The following RAD51B variants were observed in gnomAD, a reference collection of about 807,000 sequenced individuals.
RAD51B encodes RAD51 paralog B, also known as DNA repair protein RAD51 homolog 2.
A neutral mutation model predicts 42.2 loss-of-function variants in RAD51B; 38 were observed. The observed-to-expected ratio is 0.90, with a 90% CI of 0.70 to 1.18. The LOEUF is 1.18. Among genes scored for constraint, RAD51B ranks in the 50% most tolerant of loss-of-function variants. RAD51B has a pLI of 0.00. For synonymous variants in RAD51B, 154 were observed against 145.2 expected (o/e 1.06, Z -0.43); for missense variants, 373 against 400.7 (o/e 0.93, Z 0.59).
At chr14:68,534,724 C>T (rs1318535814) in intron 10 of RAD51B, among the ~76,000 whole-genome samples, 3 of 152,050 alleles carry the variant, frequency 2.0e-5, no homozygotes, top group South Asian at 2.1e-4. Context: ...ACCAACATAC[C>T]TTATCATCTG....
chr14:68,669,949 G>C (rs1893118681), intron 11 of RAD51B, among the ~76,000 whole-genome samples: 1 of 152,216 alleles, frequency 6.6e-6, no homozygotes, highest in South Asian at 2.1e-4. Flanking sequence ...TCTGCCTGCT[G>C]GTGGGACCAG....
At position 68,014,214 on chromosome 14, in the gene RAD51B, T is replaced by C. The variant is rs200574038; in HGVS notation, c.756+127010T>C. ...TCTTTTCTTTCTTTTTTTTTTTTTT[T>C]CCCATTAACAGTTGATGGAGGAAGG... is the stretch of plus-strand genomic sequence containing the variant. On this transcript the variant is annotated intron_variant, in intron 7 of 10. Transcript: ENST00000471583. Among the ~76,000 whole-genome samples the C allele has an allele frequency of 7.6e-3, 1,082 of 142,620 alleles. 11 individuals carry two copies. Among genetic ancestry groups the C allele is most frequent in the African/African-American group, 0.025 (917 of 36,838 alleles). The allele number at this position is 142,620 out of a possible 152,430, so 93.6% of individuals were successfully genotyped here.
chr14:68,395,935 C>T (rs972204999), intron 8 of RAD51B, among the ~76,000 whole-genome samples: 2 of 152,088 alleles, frequency 1.3e-5, no homozygotes, highest in Non-Finnish European at 2.9e-5. Context: ...AAGACGAGTC[C>T]GTGGTAATGT....
In RAD51B at chr14:67,835,191, A is replaced by G. The variant is rs891893046; in HGVS notation, c.310A>G (p.Thr104Ala). The change falls in exon 4 of 11, where the codon ACA (threonine) becomes GCA (alanine). Residue 104 changes from threonine (T) to alanine (A), a missense_variant. Transcript: ENST00000471583. Reference protein sequence around the residue: ...LHGGVACGSLTEITGPPGCGK... With the variant: ...LHGGVACGSLAEITGPPGCGK... Reference sequence around the variant, plus strand: ...TGGTGGTGTGGCTTGTGGATCCCTCACAGAGGTAAAGGAAAAATTTTTCGT... The same window carrying G: ...TGGTGGTGTGGCTTGTGGATCCCTCGCAGAGGTAAAGGAAAAATTTTTCGT... 2 of 1,611,794 alleles carry G rather than the reference A, an allele frequency of 1.2e-6. No individual in the cohort carries two copies. Among genetic ancestry groups the G allele is most frequent in the Non-Finnish European group, 1.7e-6 (2 of 1,178,140 alleles).
intron 9 of RAD51B, among the ~76,000 whole-genome samples, chr14:68,418,016 A>T (rs560379641): frequency 2.8e-4 from 42 of 152,252 alleles, no homozygotes; most frequent in African/African-American, 9.6e-4. Flanking sequence ...TTCCTAGGAG[A>T]TTTTGAGCCA....
intron 8 of RAD51B, among the ~76,000 whole-genome samples, chr14:68,312,754 T>A (rs1433880833): frequency 6.6e-6 from 1 of 152,234 alleles, no homozygotes; most frequent in Non-Finnish European, 1.5e-5. Flanking sequence ...GCCTTTCTAT[T>A]TGAGGAATTA....
downstream of RAD51B, among the ~76,000 whole-genome samples, chr14:68,597,512 G>A (rs1891051059): frequency 6.6e-6 from 1 of 152,188 alleles, no homozygotes; most frequent in Admixed American, 6.5e-5. Flanking sequence ...GGAGCTGGAG[G>A]CCATTATCCT....
At chr14:67,878,327 T>C (rs1420191349) in intron 5 of RAD51B, among the ~76,000 whole-genome samples, 1 of 152,218 alleles carries the variant, frequency 6.6e-6, no homozygotes, top group Non-Finnish European at 1.5e-5. Flanking sequence ...CATATATTCA[T>C]TGTCCATTTA....
intron 10 of RAD51B, chr14:68,563,871 C>G: frequency 1.0e-6 from 1 of 985,474 alleles, no homozygotes; most frequent in South Asian, 4.7e-5. Flanking sequence ...CCCTGGCAAG[C>G]CTGTGCTCTG....
intron 11 of RAD51B, among the ~76,000 whole-genome samples, chr14:68,661,277 G>A (rs1479166497): frequency 6.6e-6 from 1 of 152,228 alleles, no homozygotes; most frequent in Non-Finnish European, 1.5e-5. Flanking sequence ...TGCAGAACAG[G>A]AGAAATTATT....
intron 4 of RAD51B, among the ~76,000 whole-genome samples, chr14:67,846,701 C>A (rs2041627759): frequency 6.6e-6 from 1 of 152,160 alleles, no homozygotes; most frequent in Non-Finnish European, 1.5e-5. Context: ...GGTTGGGACC[C>A]TGGGAGAGGC....
intron 3 of RAD51B, among the ~76,000 whole-genome samples, chr14:67,830,233 TA>T (rs2040988198): frequency 6.6e-6 from 1 of 151,962 alleles, no homozygotes; most frequent in South Asian, 2.1e-4. Flanking sequence ...ATATGTGTTT[TA>T]AAAAAAATCA....
intron 10 of RAD51B, among the ~76,000 whole-genome samples, chr14:68,621,596 G>A (rs2140115711): frequency 6.6e-6 from 1 of 152,364 alleles, no homozygotes; most frequent in East Asian, 1.9e-4. Flanking sequence ...GCAGAGCTAA[G>A]CTGGACTTCT....
intron 7 of RAD51B, among the ~76,000 whole-genome samples, chr14:68,214,330 G>A (rs1296339053): frequency 1.3e-5 from 2 of 152,156 alleles, no homozygotes; most frequent in East Asian, 3.8e-4. Flanking sequence ...CCTTAGGCAG[G>A]GGAATTGTGT....
chr14:68,678,240 G>A (rs1157629253), intron 11 of RAD51B, among the ~76,000 whole-genome samples: 1 of 152,104 alleles, frequency 6.6e-6, no homozygotes, highest in Non-Finnish European at 1.5e-5. Flanking sequence ...CCTCAGAGAC[G>A]CCTGTTTTTG....
Position 68,587,395 on chromosome 14 carries a change from C to A in RAD51B, c.1037-7090C>A, listed in dbSNP as rs190455936. 1.2e-3 allele frequency among the ~76,000 whole-genome samples: 178 copies of A among 152,194 alleles called. 1 individual carries two copies. The highest frequency in any genetic ancestry group is 5.3e-3 in the Admixed American group (81 of 15,284). The stretch of plus-strand genomic sequence containing the variant: ...AATGCAGAATCTCAGGCTGTAATTA[C>A]GAGCTGGAGAAGATCCCTCCCCCAG... On this transcript the variant is annotated intron_variant, in intron 10 of 10. Transcript: ENST00000487270.
At chr14:68,673,763 A>G (rs1354014392) in intron 11 of RAD51B, among the ~76,000 whole-genome samples, 1 of 151,940 alleles carries the variant, frequency 6.6e-6, no homozygotes, top group African/African-American at 2.4e-5. Flanking sequence ...ATATATATAC[A>G]TCCACACACG....
chr14:68,159,417 C>T (rs1053283119), intron 7 of RAD51B, among the ~76,000 whole-genome samples: 2 of 151,626 alleles, frequency 1.3e-5, no homozygotes, highest in Non-Finnish European at 2.9e-5. Flanking sequence ...GTCAGGAGTT[C>T]GAGACAAGCC....
At chr14:68,099,893 G>A (rs1224168159) in intron 7 of RAD51B, among the ~76,000 whole-genome samples, 5 of 152,186 alleles carry the variant, frequency 3.3e-5, no homozygotes, top group Non-Finnish European at 7.4e-5. Context: ...AACAACTGAG[G>A]AAAACCGATT....
Sources: gnomAD v4.1 joint callset for allele counts (sites outside exome capture counted in the v4.1 genomes callset) on GRCh38, gnomAD v4.1.1 for gene constraint, MANE v1.5 for transcripts, NCBI Gene and HGNC (gene_info 2026-07-23, HGNC 2026-07-21) for gene names.